The following ABAT variants were observed in gnomAD, a reference collection of about 807,000 sequenced individuals.
The protein encoded by ABAT is 4-aminobutyrate aminotransferase.
ABAT carries 45 observed loss-of-function variants against 64.6 expected under a neutral mutation model. The observed-to-expected ratio is 0.70, with a 90% confidence interval of 0.55 to 0.89. The LOEUF (loss-of-function observed/expected upper bound fraction) is 0.89, where lower values mean the gene tolerates loss of function less well. Among genes scored for constraint, ABAT ranks in the 40% least tolerant of loss-of-function variants. ABAT has a pLI of 0.00. For synonymous variants in ABAT, 297 were observed against 250.5 expected (o/e 1.19, Z -1.75); for missense variants, 633 against 658.4 (o/e 0.96, Z 0.42).
rs1216561142 is a variant in ABAT at position 8,776,510 on chromosome 16, C to G, written c.1269+20C>G. 2 of 1,576,022 alleles carry G rather than the reference C, an allele frequency of 1.3e-6. No homozygotes were observed. Among genetic ancestry groups the G allele is most frequent in the East Asian group, 4.6e-5 (2 of 43,074 alleles). ...CTCCAGGTAACACCCCCTCCCCTGC[C>G]CCGCCCCCACCACCCATGGCTCCCC... On this transcript the variant is annotated intron_variant, in intron 14 of 15. Coordinates refer to ENST00000268251, the MANE Select transcript of ABAT (RefSeq NM_020686.6). The surrounding 1 kb of genome is among the most constrained non-coding windows in gnomAD (Gnocchi z 4.4).
At chr16:8,780,906 G>C (rs2060417028) in intron 15 of ABAT, 1 of 478,844 alleles carries the variant, frequency 2.1e-6, no homozygotes, top group Non-Finnish European at 3.8e-6. Flanking sequence ...GACTCAGCCT[G>C]TGCTTTTGCA....
At chr16:8,761,675 G>A (rs529600271) in intron 6 of ABAT, among the ~76,000 whole-genome samples, 335 of 152,326 alleles carry the variant, frequency 2.2e-3, no homozygotes, top group African/African-American at 7.7e-3. Flanking sequence ...AAGGTTTCCA[G>A]CAGGACATGC....
intron 1 of ABAT, among the ~76,000 whole-genome samples, chr16:8,708,760 C>T (rs2058006062): frequency 6.6e-6 from 1 of 152,236 alleles, no homozygotes. Flanking sequence ...GTTCAAACTG[C>T]AGTTCCCCAG....
At chr16:8,699,868 C>T (rs1325632048) in intron 1 of ABAT, among the ~76,000 whole-genome samples, 2 of 152,132 alleles carry the variant, frequency 1.3e-5, no homozygotes, top group African/African-American at 2.4e-5. Flanking sequence ...GGCTGGAGTG[C>T]AGTGGCACGA....
At chr16:8,715,627 T>C (rs1236658718) in intron 1 of ABAT, 1 of 88,640 alleles carries the variant, frequency 1.1e-5, no homozygotes, top group Non-Finnish European at 2.0e-5. Flanking sequence ...AGCGAGACCC[T>C]GTCTCTAAAA....
intron 2 of ABAT, chr16:8,738,307 TC>T: frequency 2.4e-6 from 1 of 419,446 alleles, no homozygotes; most frequent in Non-Finnish European, 4.7e-6. Context: ...GGTGGCCTTG[TC>T]TTAAAATAAT....
At chr16:8,761,339 C>T (rs1462890647) in intron 6 of ABAT, among the ~76,000 whole-genome samples, 2 of 152,160 alleles carry the variant, frequency 1.3e-5, no homozygotes, top group African/African-American at 4.8e-5. Context: ...GTCCACCAAA[C>T]TGTGCCGCGT....
At chr16:8,703,376 A>T (rs1360245057) in intron 1 of ABAT, among the ~76,000 whole-genome samples, 3 of 152,114 alleles carry the variant, frequency 2.0e-5, no homozygotes, top group African/African-American at 7.2e-5. Flanking sequence ...GAATAGCTTG[A>T]ACCCGGAAGG....
chr16:8,769,017 T>C (rs779171606), intron 11 of ABAT, 44 bp downstream of exon 11: 1 of 1,612,978 alleles, frequency 6.2e-7, no homozygotes, highest in East Asian at 2.2e-5. Context: ...ACCAGTCCTG[T>C]TGCTCTTGCC....
rs201229281 is a variant in ABAT, at chr16:8,775,069, C to A, written c.1122+12C>A. 1.2e-6 allele frequency: 2 copies of A among 1,614,188 alleles called. No homozygotes were observed. The highest frequency in any genetic ancestry group is 1.7e-6 in the Non-Finnish European group (2 of 1,180,010). On this transcript the variant is annotated intron_variant, in intron 13 of 15. Transcript: ENST00000268251. Reference sequence around the variant, plus strand: ...TCAGGCCTAATGCTGTGAGTTGGAGCCAACCTTCTCTCTACATCCAGGGCA... The same window carrying A: ...TCAGGCCTAATGCTGTGAGTTGGAGACAACCTTCTCTCTACATCCAGGGCA...
intron 1 of ABAT, among the ~76,000 whole-genome samples, chr16:8,701,299 A>G (rs1226268701): frequency 1.3e-5 from 2 of 152,254 alleles, no homozygotes; most frequent in Admixed American, 1.3e-4. Flanking sequence ...CCACAGGAGC[A>G]TATAGTAGTG....
Position 8,764,688 on chromosome 16 carries a change from G to A in ABAT, c.448-50G>A. 11 of 1,534,064 alleles carry A rather than the reference G, an allele frequency of 7.2e-6. No individual in the cohort carries two copies. Among genetic ancestry groups the A allele is most frequent in the Non-Finnish European group, 9.9e-6 (11 of 1,107,642 alleles). On this transcript the variant is annotated intron_variant, in intron 7 of 15. Coordinates refer to ENST00000268251, the MANE Select transcript of ABAT (RefSeq NM_020686.6). This position sits in a 1 kb window ranked among gnomAD's most constrained non-coding sequence, Gnocchi z 4.2. ...TCAGCTCCAGCCAGGGGAAGCGGGA[G>A]GACAGGAGTCATGATGAGCCTGGGC...
chr16:8,686,072 G>A (rs1283949255), intron 1 of ABAT, among the ~76,000 whole-genome samples: 1 of 152,226 alleles, frequency 6.6e-6, no homozygotes, highest in African/African-American at 2.4e-5. Flanking sequence ...GGGCAAGGTT[G>A]GCTGAACACC....
chr16:8,724,770 CAAT>C (rs1567286812), intron 1 of ABAT, among the ~76,000 whole-genome samples: 1 of 117,850 alleles, frequency 8.5e-6, no homozygotes, highest in Admixed American at 9.5e-5. Flanking sequence ...AAAAAAAAAA[CAAT>C]GGCAATCTTG....
rs2059819936 is a variant in ABAT, at chr16:8,762,272, T to C, written c.367-1797T>C. The stretch of plus-strand genomic sequence containing the variant: ...ACAGTCACATTGCAATGAATGCACA[T>C]AGCACAGCAGGCCTGACCAAGTAAG... On this transcript the variant is annotated intron_variant, in intron 6 of 15. Transcript: ENST00000268251. 2.6e-5 allele frequency among the ~76,000 whole-genome samples: 4 copies of C among 152,378 alleles called. No homozygotes were observed. The South Asian group carries it at 8.3e-4, about 32-fold the overall frequency.
At chr16:8,717,302 T>G (rs1411958957) in intron 1 of ABAT, among the ~76,000 whole-genome samples, 1 of 152,138 alleles carries the variant, frequency 6.6e-6, no homozygotes, top group African/African-American at 2.4e-5. Context: ...AAAGTAATAA[T>G]AATAACTATA....
At chr16:8,765,621 T>A (rs1388292779) in intron 8 of ABAT, among the ~76,000 whole-genome samples, 1 of 152,016 alleles carries the variant, frequency 6.6e-6, no homozygotes, top group Non-Finnish European at 1.5e-5. Context: ...GCTGATATCA[T>A]GCTACTGCAC....
At chr16:8,736,347 C>G (rs1047570896) in intron 2 of ABAT, 2 of 173,672 alleles carry the variant, frequency 1.2e-5, no homozygotes, top group African/African-American at 2.4e-5. Flanking sequence ...CCTCCTTTCT[C>G]TCTCCCATCT....
At chr16:8,769,708 A>G (rs527557930) in intron 11 of ABAT, among the ~76,000 whole-genome samples, 1 of 152,228 alleles carries the variant, frequency 6.6e-6, no homozygotes, top group African/African-American at 2.4e-5. Context: ...GGGGGATGCT[A>G]TGGGAGAGGC....
Sources: gnomAD v4.1 joint callset for allele counts (sites outside exome capture counted in the v4.1 genomes callset) on GRCh38, gnomAD v4.1.1 for gene constraint, Gnocchi (gnomAD v3.1) non-coding constraint, MANE v1.5 for transcripts, NCBI Gene and HGNC (gene_info 2026-07-23, HGNC 2026-07-21) for gene names.